CNTN3: variants seen among roughly 807,000 people sequenced by gnomAD.
The protein encoded by CNTN3 is contactin-3.
In CNTN3, 60 loss-of-function variants were observed where a neutral mutation model predicts 119.1. The ratio of observed to expected loss-of-function variants is 0.50; its 90% CI spans 0.41 to 0.62. The LOEUF is 0.62. CNTN3 is among the 20% of genes least tolerant of loss of function. CNTN3 has a pLI of 0.00. For synonymous variants in CNTN3, 450 were observed against 438.7 expected, an observed-to-expected ratio of 1.03 and a Z score of -0.32; for missense variants, 1,101 against 1,242.4, an observed-to-expected ratio of 0.89 and a Z score of 1.71.
At chr3:74,575,556 A>G (rs1704400813) in intron 1 of CNTN3, among the ~76,000 whole-genome samples, 2 of 151,000 alleles carry the variant, frequency 1.3e-5, no homozygotes, top group African/African-American at 4.9e-5. Flanking sequence ...AGCTGATTAG[A>G]TAATTTTTGA....
At chr3:74,288,139 T>TTTTTCTTTTC (rs1162272825) in intron 19 of CNTN3, among the ~76,000 whole-genome samples, 7 of 148,090 alleles carry the variant, frequency 4.7e-5, no homozygotes, top group African/African-American at 1.8e-4. Flanking sequence ...TTTGACATCT[T>TTTTTCTTTTC]TTTTCTTTTC....
At chr3:74,318,740 G>A (rs1045898344) in intron 13 of CNTN3, among the ~76,000 whole-genome samples, 7 of 152,110 alleles carry the variant, frequency 4.6e-5, no homozygotes, top group African/African-American at 1.7e-4. Context: ...GGAGTACCTG[G>A]CCATGTGAGG....
intron 1 of CNTN3, among the ~76,000 whole-genome samples, chr3:74,613,619 G>C (rs1000378577): frequency 1.3e-5 from 2 of 152,142 alleles, no homozygotes; most frequent in East Asian, 1.9e-4. Flanking sequence ...AGAGTTGTAC[G>C]GAGCTTTGCA....
Position 74,454,904 on chromosome 3 carries a change from TG to T in CNTN3, c.359-29965del, listed in dbSNP as rs557844746. 2.8e-4 allele frequency among the ~76,000 whole-genome samples: 43 copies of T among 152,046 alleles called. No homozygotes were observed. In the South Asian group the frequency reaches 8.7e-3, roughly 31 times the overall value. ...AGTTAGTCTGATGGGCTTCCCTTTGTGGGTAACCCGACCTTTCTCTCTGGCT... is the reference window on the plus strand; with the variant it reads ...AGTTAGTCTGATGGGCTTCCCTTTGTGGTAACCCGACCTTTCTCTCTGGCT... On this transcript the variant is annotated intron_variant, in intron 4 of 22. Transcript: ENST00000263665.
intron 20 of CNTN3, among the ~76,000 whole-genome samples, chr3:74,273,061 T>C (rs536427755): frequency 6.6e-6 from 1 of 152,156 alleles, no homozygotes; most frequent in African/African-American, 2.4e-5. Context: ...GGATCACATA[T>C]GAAATTTGGA....
At chr3:74,442,170 CACACACAGAGAG>C (rs939076717) in intron 4 of CNTN3, among the ~76,000 whole-genome samples, 5 of 115,604 alleles carry the variant, frequency 4.3e-5, no homozygotes, top group Admixed American at 1.0e-4. Context: ...CACACACACA[CACACACAGAGAG>C]AGAGAGATTA....
chr3:74,295,114 A>T lies in CNTN3; in HGVS notation c.2517+7T>A. 6.4e-7 allele frequency: 1 copy of T among 1,567,038 alleles called. No individual in the cohort carries two copies. Among genetic ancestry groups the T allele is most frequent in the Non-Finnish European group, 8.8e-7 (1 of 1,138,006 alleles). ...CACATACACAATTTAATCGGAAAAG[A>T]AATTACCTCATAGCCCAGTAAATGT... is the stretch of plus-strand genomic sequence containing the variant. On this transcript the variant is annotated splice_region_variant and intron_variant, in intron 19 of 22. Transcript: ENST00000263665.
Position 74,369,296 on chromosome 3 carries a change from C to T in CNTN3, c.839G>A (p.Gly280Asp). Reference sequence around the variant, plus strand: ...TTGGAAGTTGGGGATTTCAAGCACACCACTGAACTTCCTTAATTTAATTTT... The same window carrying T: ...TTGGAAGTTGGGGATTTCAAGCACATCACTGAACTTCCTTAATTTAATTTT... ...SSKIKLRKFS[G>D]VLEIPNFQQE... Residue 280 changes from glycine to aspartate, a missense_variant, in exon 8 of 23, where the codon GGT becomes GAT. Transcript: ENST00000263665. 1 of 1,610,924 alleles carries T rather than the reference C, an allele frequency of 6.2e-7. No individual in the cohort carries two copies. The highest frequency in any genetic ancestry group is 8.5e-7 in the Non-Finnish European group (1 of 1,178,504).
At chr3:74,420,798 C>T (rs554406291) in intron 5 of CNTN3, among the ~76,000 whole-genome samples, 2 of 152,312 alleles carry the variant, frequency 1.3e-5, no homozygotes, top group South Asian at 4.1e-4. Context: ...TACTTCTTCA[C>T]AGCTCTGTGA....
chr3:74,604,311 T>C (rs771066330), intron 1 of CNTN3, among the ~76,000 whole-genome samples: 2 of 152,006 alleles, frequency 1.3e-5, no homozygotes, highest in Non-Finnish European at 2.9e-5. Flanking sequence ...AACAATTAAA[T>C]GAGCTCAATT....
At chr3:74,582,110 T>C (rs565006165) in intron 1 of CNTN3, among the ~76,000 whole-genome samples, 3 of 152,048 alleles carry the variant, frequency 2.0e-5, no homozygotes, top group Non-Finnish European at 4.4e-5. Context: ...TTTCTTCTCA[T>C]AAAAATATCA....
intron 5 of CNTN3, among the ~76,000 whole-genome samples, chr3:74,388,127 G>C (rs1371406589): frequency 6.6e-6 from 1 of 152,150 alleles, no homozygotes; most frequent in African/African-American, 2.4e-5. Flanking sequence ...TGCCAGGAGA[G>C]TGTCTGATAC....
At chr3:74,609,016 C>T (rs556297457) in intron 1 of CNTN3, among the ~76,000 whole-genome samples, 27 of 151,978 alleles carry the variant, frequency 1.8e-4, no homozygotes, top group African/African-American at 5.6e-4. Flanking sequence ...CTTTCCTGAA[C>T]GAAACAACAA....
intron 4 of CNTN3, among the ~76,000 whole-genome samples, chr3:74,485,857 G>T (rs887047808): frequency 1.1e-4 from 16 of 152,100 alleles, no homozygotes; most frequent in Admixed American, 1.0e-3. Flanking sequence ...TGCCCACCTA[G>T]GTCCAAATAA....
intron 1 of CNTN3, among the ~76,000 whole-genome samples, chr3:74,554,813 C>A (rs1181604768): frequency 6.6e-6 from 1 of 152,206 alleles, no homozygotes; most frequent in African/African-American, 2.4e-5. Flanking sequence ...AGATTTTGGG[C>A]TGAGACGATG....
chr3:74,270,731 T>A (rs17012303), intron 20 of CNTN3, among the ~76,000 whole-genome samples: 232 of 152,316 alleles, frequency 1.5e-3, no homozygotes, highest in African/African-American at 5.5e-3. Flanking sequence ...CAACCCAGAA[T>A]AGGATGATTG....
intron 1 of CNTN3, among the ~76,000 whole-genome samples, chr3:74,569,337 T>C (rs548506537): frequency 1.6e-4 from 24 of 152,256 alleles, no homozygotes; most frequent in African/African-American, 5.8e-4. Context: ...GCCAGCTCCC[T>C]TACCACAGAA....
chr3:74,488,635 G>A (rs1195782565), intron 3 of CNTN3, among the ~76,000 whole-genome samples: 1 of 152,078 alleles, frequency 6.6e-6, no homozygotes, highest in East Asian at 1.9e-4. Flanking sequence ...AATCCTTACT[G>A]CTCAAAGTTT....
intron 5 of CNTN3, among the ~76,000 whole-genome samples, chr3:74,414,221 T>C (rs1701484041): frequency 6.6e-6 from 1 of 152,138 alleles, no homozygotes; most frequent in Non-Finnish European, 1.5e-5. Context: ...TCCTCATACT[T>C]TTGTCTCTCC....
Sources: gnomAD v4.1 joint callset for allele counts (sites outside exome capture counted in the v4.1 genomes callset) on GRCh38, gnomAD v4.1.1 for gene constraint, MANE v1.5 for transcripts, NCBI Gene and HGNC (gene_info 2026-07-23, HGNC 2026-07-21) for gene names.